Variants in COL23A1 observed in about 807,000 individuals in gnomAD.
COL23A1 encodes collagen alpha-1(XXIII) chain.
A neutral mutation model predicts 99.3 loss-of-function variants in COL23A1; 97 were observed. That is an observed-to-expected ratio of 0.98 (90% CI 0.83 to 1.16). The LOEUF is 1.16. Ranked by LOEUF, COL23A1 falls within the 50% of genes most tolerant of loss-of-function variation. The pLI, the probability that COL23A1 is intolerant of heterozygous loss-of-function variation, is 0.00. For missense variants in COL23A1, 762 were observed against 757.4 expected, an observed-to-expected ratio of 1.01 and a Z score of -0.07; for synonymous variants, 320 against 308.2, an observed-to-expected ratio of 1.04 and a Z score of -0.40.
chr5:178,551,607 A>T (rs1762007165), intron 2 of COL23A1, among the ~76,000 whole-genome samples: 1 of 152,102 alleles, frequency 6.6e-6, no homozygotes, highest in Non-Finnish European at 1.5e-5. Flanking sequence ...TCTGTCCACC[A>T]CATGACCCAG....
At chr5:178,554,181 C>CT (rs981887287) in intron 2 of COL23A1, among the ~76,000 whole-genome samples, 292 of 147,340 alleles carry the variant, frequency 2.0e-3, no homozygotes, top group African/African-American at 6.2e-3. Flanking sequence ...TTCCTTTCTT[C>CT]TTTTTTTTTT....
intron 2 of COL23A1, among the ~76,000 whole-genome samples, chr5:178,315,611 G>C (rs1758937026): frequency 6.6e-6 from 1 of 152,144 alleles, no homozygotes; most frequent in African/African-American, 2.4e-5. Context: ...GGTGCAACAA[G>C]AAGGACGGGA....
chr5:178,251,925 T>A (rs6888654), intron 17 of COL23A1, among the ~76,000 whole-genome samples: 17,404 of 142,802 alleles, frequency 0.12, 860 homozygotes, highest in African/African-American at 0.16. Context: ...TTTTTTTTTT[T>A]ATTTTGAGAC....
intron 14 of COL23A1, among the ~76,000 whole-genome samples, chr5:178,256,631 A>G (rs1322846064): frequency 6.6e-6 from 1 of 152,174 alleles, no homozygotes; most frequent in Non-Finnish European, 1.5e-5. Flanking sequence ...CAGGAGCCTG[A>G]GGCTGCATGG....
intron 2 of COL23A1, among the ~76,000 whole-genome samples, chr5:178,455,678 C>T (rs1767743020): frequency 1.3e-5 from 2 of 152,158 alleles, no homozygotes; most frequent in Admixed American, 6.5e-5. Context: ...CTCTCTGCCA[C>T]GCGGACGGAC....
intron 2 of COL23A1, among the ~76,000 whole-genome samples, chr5:178,420,880 T>C (rs571888077): frequency 1.5e-4 from 23 of 151,648 alleles, no homozygotes; most frequent in African/African-American, 5.3e-4. Context: ...TTCAATTTAT[T>C]TGTAGAACCT....
intron 2 of COL23A1, among the ~76,000 whole-genome samples, chr5:178,411,072 A>C (rs933151652): frequency 1.3e-5 from 2 of 152,194 alleles, no homozygotes; most frequent in Admixed American, 6.5e-5. Flanking sequence ...TGCAACACAC[A>C]AATCTAAACC....
rs1262647936 is a variant in COL23A1, at chr5:178,590,144, C to T, written c.54G>A (p.Ala18=). The T allele has an allele frequency of 1.6e-6, 2 of 1,236,356 alleles. No homozygotes were observed. Among genetic ancestry groups the T allele is most frequent in the East Asian group, 3.4e-5 (1 of 29,292 alleles). The allele number at this position is 1,236,356 out of a possible 1,614,324, so 76.6% of individuals were successfully genotyped here. A position where few individuals can be genotyped will look rare whatever the true frequency, so the allele number is the denominator to read the frequency against. ...GGGGDAGKGN[A]AGGGGGGRSA... ...AGCGCCCTCCGCCGCCGCCGCCCGC[C>T]GCATTGCCCTTCCCCGCGTCGCCGC... Residue 18 remains alanine, a synonymous_variant, in exon 1 of 29, where the codon GCG becomes GCA. Transcript: ENST00000390654. The surrounding 1 kb of genome is among the most constrained non-coding windows in gnomAD (Gnocchi z 5.7).
chr5:178,282,947 T>C (rs1056822830), intron 5 of COL23A1, among the ~76,000 whole-genome samples: 5 of 152,180 alleles, frequency 3.3e-5, no homozygotes, highest in African/African-American at 1.2e-4. Flanking sequence ...CTTGGCTCAC[T>C]GCAACCTCTG....
At position 178,247,793 on chromosome 5, in the gene COL23A1, A is replaced by T. The variant is rs779649747; in HGVS notation, c.1251T>A (p.Pro417=). The change falls in exon 21 of 29, where the codon CCT becomes CCA. Residue 417 remains proline (P), a synonymous_variant. Transcript: ENST00000390654. The stretch of plus-strand genomic sequence containing the variant: ...TCCTTACCATCGGGCCTGGGGGGCC[A>T]GGGGGGCCAGGGGGCCCTGGCTCCA... ...LIVEPGPPGP[P]GPPGPMGLQG... is the part of the protein sequence containing the mutation. 26 of 1,611,600 alleles carry T rather than the reference A, an allele frequency of 1.6e-5. No individual in the cohort carries two copies. In the Admixed American group the frequency reaches 4.2e-4, roughly 26 times the overall value.
Position 178,238,808 on chromosome 5 carries a change from C to G in COL23A1, c.1621-108G>C, listed in dbSNP as rs1764243291. 3 of 1,443,434 alleles carry G rather than the reference C, an allele frequency of 2.1e-6. No individual in the cohort carries two copies. The South Asian group carries it at 3.4e-5, about 16-fold the overall frequency. 89.4% of individuals were successfully genotyped at this position (1,443,434 alleles called of 1,614,324 possible). A position where few individuals can be genotyped will look rare whatever the true frequency, so the allele number is the denominator to read the frequency against. ...GGTCCTGCCCATTTCCTCCTATCTT[C>G]CCTCCCCCCACTCCCTCTCAGTGGG... On this transcript the variant is annotated intron_variant, in intron 28 of 28. Coordinates refer to ENST00000390654, the MANE Select transcript of COL23A1 (RefSeq NM_173465.4).
At chr5:178,299,898 C>G (rs1207732507) in intron 3 of COL23A1, among the ~76,000 whole-genome samples, 1 of 151,490 alleles carries the variant, frequency 6.6e-6, no homozygotes. Flanking sequence ...GGATTACAGG[C>G]GCCCACCACC....
intron 2 of COL23A1, among the ~76,000 whole-genome samples, chr5:178,475,455 G>A (rs1756978326): frequency 6.6e-6 from 1 of 152,132 alleles, no homozygotes; most frequent in African/African-American, 2.4e-5. Flanking sequence ...GAGGTGCTGA[G>A]CCCCTGTGCC....
Position 178,523,165 on chromosome 5 carries a change from T to C in COL23A1, c.361+37517A>G, listed in dbSNP as rs374522142. On this transcript the variant is annotated intron_variant, in intron 2 of 28. Coordinates refer to ENST00000390654, the MANE Select transcript of COL23A1 (RefSeq NM_173465.4). ...AAAAATATATATATATATATATACA[T>C]ATATATATATATACACATATATATA... is the stretch of plus-strand genomic sequence containing the variant. 2.0e-3 allele frequency among the ~76,000 whole-genome samples: 193 copies of C among 95,334 alleles called. 1 individual carries two copies. The highest frequency in any genetic ancestry group is 0.014 in the East Asian group (50 of 3,556). 62.5% of individuals were successfully genotyped at this position (95,334 alleles called of 152,430 possible).
At chr5:178,572,464 G>T (rs886262599) in intron 1 of COL23A1, among the ~76,000 whole-genome samples, 3 of 151,664 alleles carry the variant, frequency 2.0e-5, no homozygotes, top group Non-Finnish European at 2.9e-5. Flanking sequence ...TCAAGAAAAC[G>T]ACACCAAGAT....
chr5:178,302,838 T>C (rs1758146594), intron 3 of COL23A1, among the ~76,000 whole-genome samples: 2 of 152,250 alleles, frequency 1.3e-5, no homozygotes, highest in African/African-American at 4.8e-5. Context: ...CATAGGTCAC[T>C]TAAAGACAAG....
intron 2 of COL23A1, among the ~76,000 whole-genome samples, chr5:178,338,463 TG>T: frequency 6.6e-6 from 1 of 152,296 alleles, no homozygotes; most frequent in South Asian, 2.1e-4. Flanking sequence ...AGGTGCAAGC[TG>T]GGGCGCCGCT....
rs201103759 is a variant in COL23A1 at position 178,337,732 on chromosome 5, CA to C, written c.362-30814del. Among the ~76,000 whole-genome samples, 1,294 of 152,238 alleles carry C rather than the reference CA, an allele frequency of 8.5e-3. 20 individuals are homozygous for C. Among genetic ancestry groups the C allele is most frequent in the African/African-American group, 0.03 (1,230 of 41,504 alleles). On this transcript the variant is annotated intron_variant, in intron 2 of 28. Transcript: ENST00000390654. ...CCAGAGACTGAGGCTGCTCCACAGA[CA>C]CCCCCCATCTTCCTGGCACGAAAGC...
At chr5:178,321,138 AATACATAGC>A (rs1175566994) in intron 2 of COL23A1, among the ~76,000 whole-genome samples, 17 of 152,374 alleles carry the variant, frequency 1.1e-4, no homozygotes, top group Non-Finnish European at 2.1e-4. Flanking sequence ...ACTGTGGTAG[AATACATAGC>A]ATGAAAGGTC....
Sources: gnomAD v4.1 joint callset for allele counts (sites outside exome capture counted in the v4.1 genomes callset) on GRCh38, gnomAD v4.1.1 for gene constraint, Gnocchi (gnomAD v3.1) non-coding constraint, MANE v1.5 for transcripts, NCBI Gene and HGNC (gene_info 2026-07-23, HGNC 2026-07-21) for gene names.